TENM3: variants seen among roughly 807,000 people sequenced by gnomAD.
TENM3 encodes teneurin-3.
In TENM3, 63 loss-of-function variants were observed where a neutral mutation model predicts 255.1. That is an observed-to-expected ratio of 0.25 (90% CI 0.20 to 0.30). TENM3 has a LOEUF of 0.30. Ranked by LOEUF, TENM3 falls within the 10% of genes least tolerant of loss-of-function variation. The pLI, the probability that TENM3 is intolerant of heterozygous loss-of-function variation, is 1.00. For missense variants in TENM3, 2,929 were observed against 3,461.1 expected (o/e 0.85, Z 3.86); for synonymous variants, 1,306 against 1,322.3 (o/e 0.99, Z 0.27).
intron 3 of TENM3, among the ~76,000 whole-genome samples, chr4:182,529,577 C>T (rs556768973): frequency 1.8e-4 from 28 of 152,134 alleles, no homozygotes; most frequent in African/African-American, 6.5e-4. Context: ...TCCACTCCAC[C>T]CCATTTGGTT....
chr4:182,343,238 T>G (rs1212953460), intron 2 of TENM3, among the ~76,000 whole-genome samples: 1 of 152,220 alleles, frequency 6.6e-6, no homozygotes, highest in Non-Finnish European at 1.5e-5. Context: ...TCAGGTGTAC[T>G]TTGTTCTTGC....
At chr4:182,245,028 G>A (rs1757548073) in intron 1 of TENM3, among the ~76,000 whole-genome samples, 1 of 152,086 alleles carries the variant, frequency 6.6e-6, no homozygotes, top group Non-Finnish European at 1.5e-5. Flanking sequence ...CTAGTGTTTT[G>A]GGAATGAAGC....
the TENM3 span, among the ~76,000 whole-genome samples, chr4:181,649,792 G>T: frequency 0.042 from 6,463 of 152,178 alleles, 179 homozygotes; most frequent in South Asian, 0.13. Context: ...GTGCAGAAAC[G>T]GGGTGATATT....
the TENM3 span, among the ~76,000 whole-genome samples, chr4:181,979,188 A>G: frequency 1.6e-5 from 2 of 124,740 alleles, no homozygotes; most frequent in African/African-American, 3.0e-5. Flanking sequence ...GGTATGGACT[A>G]GGGAATTCAG....
At chr4:182,563,065 A>G (rs1458340682) in intron 3 of TENM3, among the ~76,000 whole-genome samples, 1 of 152,162 alleles carries the variant, frequency 6.6e-6, no homozygotes, top group Non-Finnish European at 1.5e-5. Flanking sequence ...TGGTGATGGT[A>G]GGAAACCTTG....
chr4:182,444,022 A>G (rs1772709741), intron 3 of TENM3, among the ~76,000 whole-genome samples: 2 of 152,194 alleles, frequency 1.3e-5, no homozygotes, highest in African/African-American at 2.4e-5. Flanking sequence ...AAATATGTCT[A>G]TTGTGGGTGG....
chr4:182,697,330 A>G (rs920252707), intron 12 of TENM3, among the ~76,000 whole-genome samples: 3 of 152,204 alleles, frequency 2.0e-5, no homozygotes, highest in Non-Finnish European at 4.4e-5. Context: ...ATGATCTGTC[A>G]TTCACAGTGG....
chr4:182,576,655 A>G (rs955128655), intron 3 of TENM3, among the ~76,000 whole-genome samples: 1 of 152,142 alleles, frequency 6.6e-6, no homozygotes, highest in Admixed American at 6.5e-5. Flanking sequence ...CCTCTTAATT[A>G]TCTCTTGAAT....
intron 1 of TENM3, among the ~76,000 whole-genome samples, chr4:182,260,689 G>T (rs1758720151): frequency 6.6e-6 from 1 of 152,248 alleles, no homozygotes; most frequent in Admixed American, 6.5e-5. Context: ...TTCTGTATAA[G>T]TGTAGCTTTC....
At chr4:182,037,946 G>A in the TENM3 span, among the ~76,000 whole-genome samples, 4 of 152,082 alleles carry the variant, frequency 2.6e-5, no homozygotes, top group South Asian at 4.2e-4. Context: ...ATCCTCCCAC[G>A]TTAGCCTCCC....
the TENM3 span, among the ~76,000 whole-genome samples, chr4:182,043,989 A>G: frequency 6.6e-6 from 1 of 152,210 alleles, no homozygotes; most frequent in African/African-American, 2.4e-5. Flanking sequence ...AAGCTTCTCT[A>G]GGACAAGCAG....
intron 1 of TENM3, among the ~76,000 whole-genome samples, chr4:182,303,563 GTAT>G (rs1761964261): frequency 6.6e-6 from 1 of 152,144 alleles, no homozygotes; most frequent in East Asian, 1.9e-4. Context: ...ATTGTCCAAT[GTAT>G]ACATTTTACA....
At chr4:182,023,170 T>C in the TENM3 span, among the ~76,000 whole-genome samples, 94 of 152,282 alleles carry the variant, frequency 6.2e-4, no homozygotes, top group East Asian at 0.017. Context: ...TTGGCTTCCA[T>C]TTATTTAAGA....
At chr4:182,760,762 T>C (rs1466730433) in intron 22 of TENM3, among the ~76,000 whole-genome samples, 1 of 152,160 alleles carries the variant, frequency 6.6e-6, no homozygotes, top group Non-Finnish European at 1.5e-5. Flanking sequence ...TTCTGAACCA[T>C]TTCTTTATAA....
chr4:181,814,897 A>T, the TENM3 span, among the ~76,000 whole-genome samples: 1 of 152,172 alleles, frequency 6.6e-6, no homozygotes, highest in African/African-American at 2.4e-5. Context: ...AAAAGTTCAA[A>T]TAATACGAAC....
At chr4:182,246,077 G>C (rs1053548957) in intron 1 of TENM3, among the ~76,000 whole-genome samples, 5 of 152,154 alleles carry the variant, frequency 3.3e-5, no homozygotes, top group Non-Finnish European at 7.4e-5. Flanking sequence ...TGAACAAACA[G>C]AGGCAGCAAC....
chr4:181,878,718 A>G, the TENM3 span, among the ~76,000 whole-genome samples: 2 of 151,724 alleles, frequency 1.3e-5, no homozygotes, highest in Non-Finnish European at 2.9e-5. Flanking sequence ...CTATTCATCT[A>G]TCATATCATC....
intron 19 of TENM3, among the ~76,000 whole-genome samples, chr4:182,749,786 A>G (rs1288588134): frequency 6.6e-6 from 1 of 152,216 alleles, no homozygotes; most frequent in Non-Finnish European, 1.5e-5. Flanking sequence ...TGTGTTATGT[A>G]TACACATGAG....
chr4:182,261,434 G>C (rs906338480), intron 1 of TENM3, among the ~76,000 whole-genome samples: 2 of 152,090 alleles, frequency 1.3e-5, no homozygotes, highest in African/African-American at 4.8e-5. Context: ...CCAGGTCAGG[G>C]GACACACAGG....
Sources: allele counts gnomAD v4.1 joint callset (sites outside exome capture counted in the v4.1 genomes callset), GRCh38; gene constraint gnomAD v4.1.1; transcripts MANE v1.5; gene names NCBI Gene and HGNC (gene_info 2026-07-23, HGNC 2026-07-21).